The following SQLE variants were observed in gnomAD, a reference collection of about 807,000 sequenced individuals.
SQLE encodes the protein squalene epoxidase.
SQLE carries 29 observed loss-of-function variants against 60.7 expected under a neutral mutation model. The observed-to-expected ratio is 0.48, with a 90% CI of 0.36 to 0.65. SQLE has a LOEUF of 0.65. Ranked by LOEUF, SQLE falls within the 30% of genes least tolerant of loss-of-function variation. The probability of loss-of-function intolerance (pLI) is 0.00; values close to 1 mark genes in which losing one functional copy is unlikely to be tolerated. For missense variants in SQLE, 605 were observed against 684.1 expected, an observed-to-expected ratio of 0.88 and a Z score of 1.29; for synonymous variants, 237 against 246.8, an observed-to-expected ratio of 0.96 and a Z score of 0.37.
Position 125,018,722 on chromosome 8 carries a change from C to T in SQLE, c.1439C>T (p.Thr480Ile), listed in dbSNP as rs1025049950. The T allele has an allele frequency of 3.1e-6, 5 of 1,595,830 alleles. No individual in the cohort carries two copies. The highest frequency in any genetic ancestry group is 2.6e-6 in the Non-Finnish European group (3 of 1,171,304). The change falls in exon 9 of 11, where the codon ACA (threonine) becomes ATA (isoleucine). Residue 480 changes from threonine to isoleucine, a missense_variant. Transcript: ENST00000265896. ...AQALYELFSA[T>I]DDSLHQLRKA... ...GCTCTTTATGAATTATTTTCTGCCA[C>T]AGATGGTAAGTGTAGACACTTTTTA...
chr8:125,001,822 A>T (rs1376589372), intron 1 of SQLE, among the ~76,000 whole-genome samples: 2 of 152,126 alleles, frequency 1.3e-5, no homozygotes, highest in Admixed American at 6.5e-5. Context: ...ACCCCTTCAA[A>T]TGGCATTTAG....
At chr8:125,000,633 T>G (rs558027346) in intron 1 of SQLE, among the ~76,000 whole-genome samples, 1 of 152,128 alleles carries the variant, frequency 6.6e-6, no homozygotes, top group South Asian at 2.1e-4. Context: ...TTTTGTATTT[T>G]TGTGGAGACA....
chr8:125,018,920 T>C, intron 9 of SQLE, 193 bp downstream of exon 9: 1 of 542,104 alleles, frequency 1.8e-6, no homozygotes, highest in Non-Finnish European at 3.2e-6. Flanking sequence ...GGTAGTGGAA[T>C]TTCCTTAGAC....
intron 2 of SQLE, 45 bp downstream of exon 2, chr8:125,003,473 G>A (rs778403032): frequency 1.9e-6 from 3 of 1,596,514 alleles, no homozygotes; most frequent in Non-Finnish European, 2.6e-6. Context: ...GTATGAACAA[G>A]CACTCTTCAC....
Position 124,998,999 on chromosome 8 carries a change from G to T in SQLE, c.-405G>T. The T allele has an allele frequency of 3.5e-6, 1 of 283,694 alleles. No individual in the cohort carries two copies. The highest frequency in any genetic ancestry group is 5.2e-5 in the Admixed American group (1 of 19,156). 17.6% of individuals were successfully genotyped at this position (283,694 alleles called of 1,614,324 possible). A position where few individuals can be genotyped will look rare whatever the true frequency, so the allele number is the denominator to read the frequency against. On this transcript the variant is annotated 5_prime_UTR_variant, in exon 1 of 11. Transcript: ENST00000265896. ...TCCACTCCCATTCCCTTCTGAAAGGGCACCTGCTCTTGGTGAGAAAAGAAA... is the reference window on the plus strand; with the variant it reads ...TCCACTCCCATTCCCTTCTGAAAGGTCACCTGCTCTTGGTGAGAAAAGAAA...
chr8:125,018,320 T>G, intron 8 of SQLE, 119 bp downstream of exon 8: 1 of 1,038,618 alleles, frequency 9.6e-7, no homozygotes, highest in Non-Finnish European at 1.4e-6. Context: ...TAATAGCTCT[T>G]AGGCATCTTG....
chr8:125,013,451 C>G lies in SQLE; in HGVS notation c.1204+1819C>G, dbSNP rs573066085. 6.2e-4 allele frequency among the ~76,000 whole-genome samples: 94 copies of G among 151,162 alleles called. 1 individual carries two copies. Among genetic ancestry groups the G allele is most frequent in the African/African-American group, 2.2e-3 (92 of 41,056 alleles). ...CATTGCAACCTCGGCCTCCCAGGTT[C>G]AAGCAATTCTCCTGCCTCAGCCTCC... On this transcript the variant is annotated intron_variant, in intron 7 of 10. Transcript: ENST00000265896.
intron 7 of SQLE, among the ~76,000 whole-genome samples, chr8:125,014,007 A>G (rs1156712): frequency 0.34 from 51,819 of 152,048 alleles, 9,615 homozygotes; most frequent in Middle Eastern, 0.5. Flanking sequence ...AGGCAGTGGC[A>G]TGATTAGACT....
intron 2 of SQLE, among the ~76,000 whole-genome samples, 190 bp downstream of exon 2, chr8:125,003,618 T>C (rs1026144217): frequency 6.6e-6 from 1 of 152,130 alleles, no homozygotes; most frequent in Admixed American, 6.5e-5. Flanking sequence ...TATGATTAGA[T>C]GTGAATTAGA....
At chr8:125,001,412 C>T (rs1010007734) in intron 1 of SQLE, among the ~76,000 whole-genome samples, 4 of 151,400 alleles carry the variant, frequency 2.6e-5, no homozygotes, top group Non-Finnish European at 5.9e-5. Flanking sequence ...TGATCAGGCT[C>T]TGCAAGGCCT....
intron 2 of SQLE, among the ~76,000 whole-genome samples, chr8:125,004,468 ATTAG>A (rs1434277786): frequency 6.6e-6 from 1 of 152,078 alleles, no homozygotes; most frequent in Non-Finnish European, 1.5e-5. Context: ...AAAATATAAT[ATTAG>A]TTCATAGTAT....
intron 7 of SQLE, among the ~76,000 whole-genome samples, chr8:125,014,403 TTTTCA>T (rs1481026138): frequency 6.6e-6 from 1 of 152,194 alleles, no homozygotes; most frequent in East Asian, 1.9e-4. Context: ...TTTTGTATTT[TTTTCA>T]TTTCATTTAT....
intron 6 of SQLE, among the ~76,000 whole-genome samples, chr8:125,009,641 C>A (rs1445295592): frequency 2.0e-5 from 3 of 151,884 alleles, no homozygotes; most frequent in African/African-American, 4.8e-5. Context: ...ACTAAAAATA[C>A]AAAATTAGCC....
intron 8 of SQLE, 124 bp downstream of exon 8, chr8:125,018,325 A>C (rs1815142881): frequency 9.9e-7 from 1 of 1,012,132 alleles, no homozygotes; most frequent in African/African-American, 1.6e-5. Flanking sequence ...GCTCTTAGGC[A>C]TCTTGCTTAG....
intron 2 of SQLE, 39 bp downstream of exon 2, chr8:125,003,467 G>A (rs1209107068): frequency 6.2e-7 from 1 of 1,600,182 alleles, no homozygotes; most frequent in South Asian, 1.1e-5. Context: ...TACGTGGTAT[G>A]AACAAGCACT....
At chr8:125,000,994 C>G (rs1439222389) in intron 1 of SQLE, among the ~76,000 whole-genome samples, 4 of 152,130 alleles carry the variant, frequency 2.6e-5, no homozygotes, top group African/African-American at 7.2e-5. Context: ...TAGTTAATAC[C>G]TAGTCTATAA....
Position 125,003,338 on chromosome 8 carries a change from A to T in SQLE, c.454A>T (p.Ile152Phe). 6.2e-7 allele frequency: 1 copy of T among 1,614,000 alleles called. No individual in the cohort carries two copies. The highest frequency in any genetic ancestry group is 1.1e-5 in the South Asian group (1 of 91,078). Residue 152 changes from isoleucine (I) to phenylalanine (F), a missense_variant, in exon 2 of 11, where the codon ATT becomes TTT. Coordinates refer to ENST00000265896, the MANE Select transcript of SQLE (RefSeq NM_003129.4). ...LSRDGRKVTV[I>F]ERDLKEPDRI... ...CAGAGATGGAAGAAAGGTGACAGTC[A>T]TTGAGAGAGACTTAAAAGAGCCTGA...
At chr8:125,015,863 CT>C (rs1197424089) in intron 7 of SQLE, among the ~76,000 whole-genome samples, 1 of 152,152 alleles carries the variant, frequency 6.6e-6, no homozygotes. Context: ...GATATTTTCA[CT>C]GGATATACTA....
chr8:125,008,378 C>T (rs113295510), intron 4 of SQLE, among the ~76,000 whole-genome samples: 8 of 152,164 alleles, frequency 5.3e-5, no homozygotes, highest in African/African-American at 1.7e-4. Flanking sequence ...CGTGAGCCAC[C>T]GCACCCGGCC....
Sources: allele counts gnomAD v4.1 joint callset (sites outside exome capture counted in the v4.1 genomes callset), GRCh38; gene constraint gnomAD v4.1.1; transcripts MANE v1.5; gene names NCBI Gene and HGNC (gene_info 2026-07-23, HGNC 2026-07-21).